THSD7B: variants seen among roughly 807,000 people sequenced by gnomAD.
The protein encoded by THSD7B is thrombospondin type-1 domain-containing protein 7B.
Under a neutral mutation model 213.6 loss-of-function variants are expected in THSD7B, and 138 were observed. That is an observed-to-expected ratio of 0.65 (90% confidence interval 0.56 to 0.74). THSD7B has a LOEUF of 0.74. Among genes scored for constraint, THSD7B ranks in the 30% least tolerant of loss-of-function variants. The pLI is 0.00. For synonymous variants in THSD7B, 742 were observed against 687.0 expected (o/e 1.08, Z -1.25); for missense variants, 1,931 against 1,991.5 (o/e 0.97, Z 0.58).
At chr2:137,299,829 A>C (rs1286316878) in intron 12 of THSD7B, among the ~76,000 whole-genome samples, 1 of 152,184 alleles carries the variant, frequency 6.6e-6, no homozygotes, top group African/African-American at 2.4e-5. Context: ...ATTTTGTACC[A>C]GTGAATGATA....
intron 1 of THSD7B, among the ~76,000 whole-genome samples, chr2:136,782,402 C>T (rs567824324): frequency 2.2e-4 from 33 of 152,304 alleles, no homozygotes; most frequent in African/African-American, 7.7e-4. Flanking sequence ...TGAATTGTTT[C>T]ACCATCTCTT....
intron 1 of THSD7B, among the ~76,000 whole-genome samples, chr2:136,824,287 T>G (rs1455563790): frequency 3.3e-5 from 5 of 152,026 alleles, no homozygotes; most frequent in African/African-American, 1.2e-4. Context: ...TAAAGAACTG[T>G]TTAGTACTTT....
At chr2:137,143,723 C>A (rs1308751326) in intron 5 of THSD7B, among the ~76,000 whole-genome samples, 1 of 152,104 alleles carries the variant, frequency 6.6e-6, no homozygotes, top group African/African-American at 2.4e-5. Flanking sequence ...ATTAACCTTG[C>A]TCTTATTTCC....
intron 1 of THSD7B, among the ~76,000 whole-genome samples, chr2:136,823,794 T>C (rs948849844): frequency 1.3e-5 from 2 of 152,194 alleles, no homozygotes; most frequent in African/African-American, 4.8e-5. Context: ...TTCTCTGTAA[T>C]TCTTAACTAA....
At chr2:136,910,157 G>C (rs1684233247) in intron 2 of THSD7B, among the ~76,000 whole-genome samples, 1 of 152,068 alleles carries the variant, frequency 6.6e-6, no homozygotes, top group South Asian at 2.1e-4. Context: ...TCTGCCAGGA[G>C]GGAGAAAGCA....
intron 21 of THSD7B, among the ~76,000 whole-genome samples, chr2:137,645,672 TAA>T (rs35469469): frequency 1.1e-3 from 158 of 145,074 alleles, no homozygotes; most frequent in Non-Finnish European, 1.4e-3. Flanking sequence ...TCATGGTGTG[TAA>T]AAAAAAAAAA....
chr2:136,794,728 A>G (rs560484656), intron 1 of THSD7B, among the ~76,000 whole-genome samples: 1 of 152,138 alleles, frequency 6.6e-6, no homozygotes, highest in South Asian at 2.1e-4. Context: ...TGTTCTTCAC[A>G]TCTTCTACAT....
At chr2:137,072,606 G>C (rs555873905) in intron 3 of THSD7B, among the ~76,000 whole-genome samples, 9 of 152,194 alleles carry the variant, frequency 5.9e-5, no homozygotes, top group Middle Eastern at 3.4e-3. Context: ...TCCTTCTCCT[G>C]CCTAATTGCC....
intron 1 of THSD7B, among the ~76,000 whole-genome samples, chr2:136,864,532 T>G (rs1683302167): frequency 6.6e-6 from 1 of 152,206 alleles, no homozygotes; most frequent in Admixed American, 6.5e-5. Context: ...TCATATTTCT[T>G]TTTTATCATT....
chr2:136,858,536 C>T (rs1276346771), intron 1 of THSD7B, among the ~76,000 whole-genome samples: 2 of 152,174 alleles, frequency 1.3e-5, no homozygotes, highest in Non-Finnish European at 2.9e-5. Context: ...ACAATACACA[C>T]TATTTAGATA....
intron 15 of THSD7B, among the ~76,000 whole-genome samples, chr2:137,559,362 A>G (rs1681056294): frequency 1.3e-5 from 2 of 152,220 alleles, no homozygotes. Flanking sequence ...GTACCAAAAC[A>G]GAGATATAGA....
chr2:136,899,322 C>T (rs1011631815), intron 2 of THSD7B, among the ~76,000 whole-genome samples: 4 of 152,162 alleles, frequency 2.6e-5, no homozygotes, highest in Admixed American at 6.5e-5. Flanking sequence ...TATTATTACA[C>T]ACCTTAAGTA....
At chr2:137,300,493 ATG>A (rs1683573195) in intron 12 of THSD7B, among the ~76,000 whole-genome samples, 1 of 152,060 alleles carries the variant, frequency 6.6e-6, no homozygotes, top group African/African-American at 2.4e-5. Context: ...GCATGTGTAT[ATG>A]TGTGTGTGTT....
intron 20 of THSD7B, among the ~76,000 whole-genome samples, chr2:137,631,536 T>C (rs962103749): frequency 2.6e-5 from 4 of 152,150 alleles, no homozygotes; most frequent in Admixed American, 1.3e-4. Context: ...AATGAGAAAA[T>C]AATTTTGTAT....
At chr2:137,609,701 G>GGAGGA (rs766936000) in intron 17 of THSD7B, among the ~76,000 whole-genome samples, 4 of 152,196 alleles carry the variant, frequency 2.6e-5, no homozygotes, top group Non-Finnish European at 4.4e-5. Flanking sequence ...GTCATTTAAG[G>GGAGGA]GTATGGAAGA....
At chr2:136,812,767 A>G (rs1210133177) in intron 1 of THSD7B, among the ~76,000 whole-genome samples, 3 of 152,212 alleles carry the variant, frequency 2.0e-5, no homozygotes, top group Non-Finnish European at 2.9e-5. Context: ...TGTCACCACT[A>G]TGAACACTCT....
rs578119528 is a variant in THSD7B, at chr2:136,870,331, C to T, written c.-35-11813C>T. ...TATGGTCCAAGATTAAGAAAACTTCCTCGAAAAAATTATTTAAAAGTTGAC... is the reference window on the plus strand; with the variant it reads ...TATGGTCCAAGATTAAGAAAACTTCTTCGAAAAAATTATTTAAAAGTTGAC... On this transcript the variant is annotated intron_variant, in intron 1 of 27. Coordinates refer to ENST00000409968, the MANE Select transcript of THSD7B (RefSeq NM_001316349.2). Among the ~76,000 whole-genome samples the T allele has an allele frequency of 7.2e-5, 11 of 152,232 alleles. No individual in the cohort carries two copies. The South Asian group carries it at 2.3e-3, about 32-fold the overall frequency.
intron 12 of THSD7B, among the ~76,000 whole-genome samples, chr2:137,376,491 G>A (rs921466924): frequency 2.6e-5 from 4 of 152,070 alleles, no homozygotes; most frequent in African/African-American, 7.2e-5. Flanking sequence ...CTTCTGATTT[G>A]GAAGTTAGTT....
intron 6 of THSD7B, among the ~76,000 whole-genome samples, chr2:137,167,213 T>G (rs1172866158): frequency 6.6e-6 from 1 of 151,764 alleles, no homozygotes; most frequent in Non-Finnish European, 1.5e-5. Context: ...ATTTATTTAT[T>G]TATTTTCTGA....
Sources: allele counts gnomAD v4.1 joint callset (sites outside exome capture counted in the v4.1 genomes callset), GRCh38; gene constraint gnomAD v4.1.1; transcripts MANE v1.5; gene names NCBI Gene and HGNC (gene_info 2026-07-23, HGNC 2026-07-21).